The following STK39 variants were observed in gnomAD, a reference collection of about 807,000 sequenced individuals.
STK39 encodes the protein STE20/SPS1-related proline-alanine-rich protein kinase.
Under a neutral mutation model 77.8 loss-of-function variants are expected in STK39, and 20 were observed. The observed-to-expected ratio is 0.26, with a 90% CI of 0.18 to 0.37. The LOEUF (loss-of-function observed/expected upper bound fraction) is 0.37. Among genes scored for constraint, STK39 ranks in the 10% least tolerant of loss-of-function variants. The pLI, the probability that STK39 is intolerant of heterozygous loss-of-function variation, is 1.00. For synonymous variants in STK39, 246 were observed against 234.1 expected, an observed-to-expected ratio of 1.05 and a Z score of -0.47; for missense variants, 479 against 656.5, an observed-to-expected ratio of 0.73 and a Z score of 2.95.
rs144038120 is a variant in STK39 at position 168,193,948 on chromosome 2, C to G, written c.209-11858G>C. On this transcript the variant is annotated intron_variant, in intron 1 of 17. Transcript: ENST00000355999. ...CTAATAAGGGAATCGAGTTTAGGCCCCCATGGAAGGAACTGGAAAGGAGGC... is the reference window on the plus strand; with the variant it reads ...CTAATAAGGGAATCGAGTTTAGGCCGCCATGGAAGGAACTGGAAAGGAGGC... 6.6e-5 allele frequency among the ~76,000 whole-genome samples: 10 copies of G among 152,230 alleles called. No individual in the cohort carries two copies. The East Asian group carries it at 1.9e-3, about 29-fold the overall frequency.
intron 12 of STK39, among the ~76,000 whole-genome samples, chr2:168,070,918 T>C (rs1025125770): frequency 6.6e-6 from 1 of 152,208 alleles, no homozygotes; most frequent in Non-Finnish European, 1.5e-5. Context: ...CAGATTATAC[T>C]GGAAATTCTC....
chr2:168,221,123 C>T (rs1041344923), intron 1 of STK39, among the ~76,000 whole-genome samples: 7 of 152,186 alleles, frequency 4.6e-5, no homozygotes, highest in Admixed American at 4.6e-4. Context: ...AAAAATTCCA[C>T]TATCACTAGG....
intron 5 of STK39, among the ~76,000 whole-genome samples, chr2:168,147,782 C>G (rs1688179670): frequency 6.6e-6 from 1 of 152,190 alleles, no homozygotes; most frequent in Non-Finnish European, 1.5e-5. Flanking sequence ...CAGTATACTA[C>G]ACTCAGCACT....
intron 1 of STK39, among the ~76,000 whole-genome samples, chr2:168,199,795 G>T (rs1004250668): frequency 6.6e-6 from 1 of 151,400 alleles, no homozygotes; most frequent in Non-Finnish European, 1.5e-5. Context: ...TTACAGGCGT[G>T]AGCCACCGTG....
chr2:167,989,360 A>G (rs1683640920), intron 16 of STK39, among the ~76,000 whole-genome samples: 2 of 152,186 alleles, frequency 1.3e-5, no homozygotes, highest in Non-Finnish European at 1.5e-5. Context: ...CTTAAGATGA[A>G]CTATCATGAA....
intron 2 of STK39, among the ~76,000 whole-genome samples, chr2:168,171,196 G>A (rs1688814265): frequency 6.6e-6 from 1 of 152,142 alleles, no homozygotes; most frequent in South Asian, 2.1e-4. Flanking sequence ...CCTTAAAATG[G>A]GGTAGCATGG....
At chr2:168,165,698 C>T (rs994248852) in intron 3 of STK39, among the ~76,000 whole-genome samples, 21 of 151,722 alleles carry the variant, frequency 1.4e-4, no homozygotes, top group African/African-American at 4.8e-4. Flanking sequence ...GGCTCCCCAC[C>T]GAGACCTACA....
intron 2 of STK39, among the ~76,000 whole-genome samples, chr2:168,168,961 T>C (rs1688757419): frequency 6.6e-6 from 1 of 152,080 alleles, no homozygotes; most frequent in Admixed American, 6.6e-5. Context: ...CCAGCCTGAG[T>C]GACAAAGCAA....
chr2:167,974,047 A>C lies in STK39; in HGVS notation c.1499-9321T>G, dbSNP rs564610816. On this transcript the variant is annotated intron_variant, in intron 16 of 17. Coordinates refer to ENST00000355999, the MANE Select transcript of STK39 (RefSeq NM_013233.3). Reference sequence around the variant, plus strand: ...TTATTAAAAATTGGGGTGGACATTAATAATACACTAATGCAAGGATGAAAT... The same window carrying C: ...TTATTAAAAATTGGGGTGGACATTACTAATACACTAATGCAAGGATGAAAT... 2.6e-5 allele frequency among the ~76,000 whole-genome samples: 4 copies of C among 152,294 alleles called. No individual in the cohort carries two copies. The East Asian group carries it at 7.7e-4, about 29-fold the overall frequency.
chr2:168,069,183 T>G (rs2105394412), intron 12 of STK39, among the ~76,000 whole-genome samples: 1 of 152,326 alleles, frequency 6.6e-6, no homozygotes, highest in Middle Eastern at 3.4e-3. Context: ...CTCCAAGTGC[T>G]GGGATTACAG....
chr2:168,139,057 T>C (rs1209121633), intron 7 of STK39, among the ~76,000 whole-genome samples: 2 of 152,114 alleles, frequency 1.3e-5, no homozygotes, highest in Non-Finnish European at 1.5e-5. Context: ...TTCAGATGTG[T>C]GAATAGATGA....
chr2:168,243,578 A>G (rs575449107), intron 1 of STK39, among the ~76,000 whole-genome samples: 44 of 152,244 alleles, frequency 2.9e-4, no homozygotes, highest in Non-Finnish European at 5.3e-4. Flanking sequence ...AAAAACCCTA[A>G]GAAAATCAAA....
chr2:168,104,511 T>G lies in STK39; in HGVS notation c.1089+25030A>C, dbSNP rs544483897. On this transcript the variant is annotated intron_variant, in intron 10 of 17. Coordinates refer to ENST00000355999, the MANE Select transcript of STK39 (RefSeq NM_013233.3). ...TGAAGGTGTGAGCCCATAGGGGGAG[T>G]TACATGTGTGTATGTATGTGTGTTC... 1.0e-3 allele frequency among the ~76,000 whole-genome samples: 152 copies of G among 151,766 alleles called. 7 individuals are homozygous for G. The South Asian group carries it at 0.03, about 30-fold the overall frequency.
intron 1 of STK39, among the ~76,000 whole-genome samples, chr2:168,197,162 G>C (rs1689491805): frequency 6.6e-6 from 1 of 152,134 alleles, no homozygotes; most frequent in Non-Finnish European, 1.5e-5. Flanking sequence ...CAAGTGCTAG[G>C]GTAGACAAAG....
At chr2:168,209,409 G>C (rs1689825222) in intron 1 of STK39, among the ~76,000 whole-genome samples, 3 of 152,160 alleles carry the variant, frequency 2.0e-5, no homozygotes. Context: ...TGGCGCGGTG[G>C]CTCACGCCTG....
chr2:168,179,368 A>G (rs1689027459), intron 2 of STK39, among the ~76,000 whole-genome samples: 3 of 152,202 alleles, frequency 2.0e-5, no homozygotes. Flanking sequence ...AGCCTGGCAA[A>G]TCAGGCAGGC....
At position 167,955,551 on chromosome 2, in the gene STK39, G is replaced by A. The variant is rs762341266; in HGVS notation, c.1583C>T (p.Ser528Leu). ...TFKLASGCDG[S>L]EIPDEVKLIG... ...CAGCTTCACTTCATCAGGAATCTCC[G>A]ACCCATCACAGCCAGAAGCCTGAAA... The change falls in exon 18 of 18, where the codon TCG (serine) becomes TTG (leucine). Residue 528 changes from serine to leucine, a missense_variant. Physicochemically the swap from Ser to Leu is moderately radical, Grantham distance 145 (BLOSUM62 -2). This residue lies in a region of STK39 where 244 missense variants were observed against 296.8 expected (regional missense o/e 0.82). Transcript: ENST00000355999. 1.6e-5 allele frequency: 26 copies of A among 1,613,546 alleles called. No homozygotes were observed. Among genetic ancestry groups the A allele is most frequent in the South Asian group, 5.5e-5 (5 of 90,970 alleles).
intron 14 of STK39, among the ~76,000 whole-genome samples, chr2:168,029,979 G>C (rs751758162): frequency 2.0e-5 from 3 of 152,184 alleles, no homozygotes; most frequent in Non-Finnish European, 2.9e-5. Flanking sequence ...GGTGGCTCAT[G>C]CCTGTAATCC....
At chr2:167,995,348 T>C (rs1375252034) in intron 16 of STK39, among the ~76,000 whole-genome samples, 1 of 152,276 alleles carries the variant, frequency 6.6e-6, no homozygotes, top group East Asian at 1.9e-4. Flanking sequence ...GACCTCGTGA[T>C]GCACCTGCCT....
Sources: gnomAD v4.1 joint callset for allele counts (sites outside exome capture counted in the v4.1 genomes callset) on GRCh38, gnomAD v4.1.1 for gene constraint, gnomAD v4.1.1 regional missense constraint, MANE v1.5 for transcripts, NCBI Gene and HGNC (gene_info 2026-07-23, HGNC 2026-07-21) for gene names.